The following SIPA1L2 variants were observed in gnomAD, a reference collection of about 807,000 sequenced individuals.
SIPA1L2 encodes signal induced proliferation associated 1 like 2.
Under a neutral mutation model 163.9 loss-of-function variants are expected in SIPA1L2, and 56 were observed. The ratio of observed to expected loss-of-function variants is 0.34; its 90% CI spans 0.28 to 0.43. The LOEUF (loss-of-function observed/expected upper bound fraction) is 0.43. Ranked by LOEUF, SIPA1L2 falls within the 20% of genes least tolerant of loss-of-function variation. SIPA1L2 has a pLI of 1.00. For synonymous variants in SIPA1L2, 877 were observed against 865.7 expected (o/e 1.01, Z -0.23); for missense variants, 1,974 against 2,193.5 (o/e 0.90, Z 2.00).
intron 2 of SIPA1L2, among the ~76,000 whole-genome samples, chr1:232,565,031 C>G (rs910209931): frequency 2.6e-5 from 4 of 152,106 alleles, no homozygotes; most frequent in African/African-American, 4.8e-5. Flanking sequence ...TAAACCGGCA[C>G]GTTCTGTGCT....
chr1:232,462,176 C>A lies in SIPA1L2; in HGVS notation c.2821-1015G>T, dbSNP rs886332642. 6 of 1,509,612 alleles carry A rather than the reference C, an allele frequency of 4.0e-6. No homozygotes were observed. In the Middle Eastern group the frequency reaches 5.1e-4, roughly 127 times the overall value. The allele number at this position is 1,509,612 out of a possible 1,614,324, so 93.5% of individuals were successfully genotyped here. A position where few individuals can be genotyped will look rare whatever the true frequency, so the allele number is the denominator to read the frequency against. ...GTACATTAAAGCACCACTAATGCAG[C>A]CCTCAAAAGCACTCACCGAGCATAG... On this transcript the variant is annotated intron_variant, in intron 9 of 22. Transcript: ENST00000674635.
intron 18 of SIPA1L2, among the ~76,000 whole-genome samples, chr1:232,424,011 G>A (rs926321829): frequency 2.6e-5 from 4 of 152,118 alleles, no homozygotes; most frequent in African/African-American, 9.7e-5. Context: ...GAGCACAGAG[G>A]ATTTTTAGGG....
intron 1 of SIPA1L2, among the ~76,000 whole-genome samples, chr1:232,585,444 T>A (rs1660606322): frequency 6.6e-6 from 1 of 151,868 alleles, no homozygotes; most frequent in South Asian, 2.1e-4. Context: ...AGACCTACAG[T>A]GTCTAAGGGG....
intron 2 of SIPA1L2, among the ~76,000 whole-genome samples, chr1:232,536,380 G>C (rs1254242838): frequency 6.6e-6 from 1 of 152,162 alleles, no homozygotes; most frequent in Non-Finnish European, 1.5e-5. Flanking sequence ...CTAACTTAAG[G>C]CCTGGGAATT....
chr1:232,410,104 T>A (rs1421860502), intron 19 of SIPA1L2, among the ~76,000 whole-genome samples: 2 of 152,158 alleles, frequency 1.3e-5, no homozygotes, highest in Non-Finnish European at 2.9e-5. Flanking sequence ...TGTCAAAGAT[T>A]CCAGTATAAA....
At chr1:232,462,127 G>C in intron 9 of SIPA1L2, 1 of 1,119,016 alleles carries the variant, frequency 8.9e-7, no homozygotes, top group South Asian at 1.3e-5. Context: ...CATGAAAGAA[G>C]AATGGTGGAT....
At chr1:232,439,084 ACTC>A (rs1395806785) in intron 15 of SIPA1L2, 21 bp downstream of exon 15, 1 of 1,573,324 alleles carries the variant, frequency 6.4e-7, no homozygotes, top group South Asian at 1.2e-5. Context: ...AGCAGGTACT[ACTC>A]TGCAGTGCTG....
intron 3 of SIPA1L2, among the ~76,000 whole-genome samples, chr1:232,503,938 C>A (rs541065026): frequency 6.6e-6 from 1 of 152,148 alleles, no homozygotes; most frequent in Non-Finnish European, 1.5e-5. Context: ...GGCCTATAAT[C>A]CCAGCACTTT....
At chr1:232,588,488 T>G (rs1660786643) in intron 1 of SIPA1L2, among the ~76,000 whole-genome samples, 1 of 152,172 alleles carries the variant, frequency 6.6e-6, no homozygotes, top group Non-Finnish European at 1.5e-5. Flanking sequence ...ATTTGGGAGA[T>G]TTTTCTAAGT....
intron 2 of SIPA1L2, among the ~76,000 whole-genome samples, chr1:232,519,072 T>C (rs548423056): frequency 1.2e-4 from 19 of 152,288 alleles, no homozygotes; most frequent in Admixed American, 2.6e-4. Flanking sequence ...CACTGTTTGC[T>C]CCATGCCATT....
chr1:232,604,229 GAGA>G (rs1412968473), intron 1 of SIPA1L2, among the ~76,000 whole-genome samples: 1 of 152,152 alleles, frequency 6.6e-6, no homozygotes, highest in Non-Finnish European at 1.5e-5. Context: ...TATCACTAAT[GAGA>G]AGAATATTCA....
At chr1:232,452,785 C>T (rs1282390324) in intron 10 of SIPA1L2, among the ~76,000 whole-genome samples, 3 of 152,172 alleles carry the variant, frequency 2.0e-5, no homozygotes, top group African/African-American at 7.2e-5. Context: ...AGGCTTAAAA[C>T]CCAGACATGA....
At chr1:232,630,298 G>C (rs1364079477), upstream of SIPA1L2, among the ~76,000 whole-genome samples, 3 of 151,868 alleles carry the variant, frequency 2.0e-5, no homozygotes, top group Non-Finnish European at 4.4e-5. Flanking sequence ...GGCGCAGCCG[G>C]TGCGCTGTTC....
chr1:232,438,015 C>T (rs2102852042), intron 15 of SIPA1L2, among the ~76,000 whole-genome samples: 1 of 152,004 alleles, frequency 6.6e-6, no homozygotes, highest in South Asian at 2.1e-4. Flanking sequence ...TTACATAAGC[C>T]CCAATATGAC....
At chr1:232,539,795 G>GC (rs1353010770) in intron 2 of SIPA1L2, among the ~76,000 whole-genome samples, 1 of 152,118 alleles carries the variant, frequency 6.6e-6, no homozygotes, top group African/African-American at 2.4e-5. Flanking sequence ...ACTTCAGAGA[G>GC]CCCCCCAGTG....
chr1:232,611,653 G>A (rs762232828), intron 1 of SIPA1L2, among the ~76,000 whole-genome samples: 51 of 152,120 alleles, frequency 3.4e-4, no homozygotes, highest in Non-Finnish European at 2.5e-4. Flanking sequence ...TAGGGTATCC[G>A]GCAGAAGAAA....
At chr1:232,529,217 T>C (rs1295955909) in intron 2 of SIPA1L2, among the ~76,000 whole-genome samples, 4 of 152,222 alleles carry the variant, frequency 2.6e-5, no homozygotes, top group Non-Finnish European at 5.9e-5. Flanking sequence ...TCCACCTCTA[T>C]GTTTTTGCTT....
In SIPA1L2 at chr1:232,514,654, C is replaced by A. The variant is rs1279835957; in HGVS notation, c.686G>T (p.Gly229Val). The change falls in exon 3 of 23, where the codon GGG becomes GTG. Residue 229 changes from glycine (G) to valine (V), a missense_variant. By Grantham distance (109) the Gly-to-Val change is moderately radical. Coordinates refer to ENST00000674635, the MANE Select transcript of SIPA1L2 (RefSeq NM_020808.5). The stretch of plus-strand genomic sequence containing the variant: ...GTCACAGCGGAAAAATTCAGGGAAC[C>A]CAAAAGGGACCATTGCTTTGTGGTC... ...NYDHKAMVPF[G>V]FPEFFRCDPA... 1.2e-6 allele frequency: 2 copies of A among 1,614,132 alleles called. No homozygotes were observed. The highest frequency in any genetic ancestry group is 2.7e-5 in the African/African-American group (2 of 75,024).
intron 2 of SIPA1L2, among the ~76,000 whole-genome samples, chr1:232,568,928 G>A (rs1558274600): frequency 6.6e-6 from 1 of 152,156 alleles, no homozygotes; most frequent in Non-Finnish European, 1.5e-5. Context: ...TTTTATCGGA[G>A]CTATTTACGT....
Sources: gnomAD v4.1 joint callset for allele counts (sites outside exome capture counted in the v4.1 genomes callset) on GRCh38, gnomAD v4.1.1 for gene constraint, MANE v1.5 for transcripts, NCBI Gene and HGNC (gene_info 2026-07-23, HGNC 2026-07-21) for gene names.